CHSY3: variants seen among roughly 807,000 people sequenced by gnomAD.
CHSY3 encodes the protein N-acetylgalactosaminyl-proteoglycan 3-beta-glucuronosyltransferase 3.
In CHSY3, 35 loss-of-function variants were observed where a neutral mutation model predicts 67.2. That is an observed-to-expected ratio of 0.52 (90% CI 0.40 to 0.69). The LOEUF (loss-of-function observed/expected upper bound fraction) is 0.69. CHSY3 is among the 30% of genes least tolerant of loss of function. The pLI is 0.00. For synonymous variants in CHSY3, 474 were observed against 434.7 expected, an observed-to-expected ratio of 1.09 and a Z score of -1.12; for missense variants, 1,069 against 1,138.5, an observed-to-expected ratio of 0.94 and a Z score of 0.88.
At chr5:130,022,393 A>G (rs1009887306) in intron 2 of CHSY3, among the ~76,000 whole-genome samples, 18 of 152,012 alleles carry the variant, frequency 1.2e-4, no homozygotes, top group African/African-American at 4.1e-4. Context: ...ATAACATTAC[A>G]TTTGGATTGC....
At chr5:129,938,974 C>G (rs1240112447) in intron 2 of CHSY3, among the ~76,000 whole-genome samples, 1 of 152,132 alleles carries the variant, frequency 6.6e-6, no homozygotes, top group Non-Finnish European at 1.5e-5. Context: ...AGTCCATTCT[C>G]ACACTGCTAT....
intron 2 of CHSY3, among the ~76,000 whole-genome samples, chr5:130,164,717 A>T (rs887410301): frequency 2.0e-5 from 3 of 152,176 alleles, no homozygotes; most frequent in Admixed American, 2.0e-4. Context: ...GAATGGTGAA[A>T]AAAAGACACA....
intron 2 of CHSY3, among the ~76,000 whole-genome samples, chr5:129,988,892 C>G (rs1763278118): frequency 6.6e-6 from 1 of 152,140 alleles, no homozygotes; most frequent in Admixed American, 6.6e-5. Context: ...TCTGTACCAA[C>G]ATCATCAGAG....
At chr5:130,092,979 C>A (rs1054592138) in intron 2 of CHSY3, among the ~76,000 whole-genome samples, 2 of 152,180 alleles carry the variant, frequency 1.3e-5, no homozygotes, top group African/African-American at 4.8e-5. Context: ...CAGCTCCTAG[C>A]TACCATCTGG....
At chr5:130,172,319 TC>T (rs1554087885) in intron 2 of CHSY3, among the ~76,000 whole-genome samples, 2 of 10,788 alleles carry the variant, frequency 1.9e-4, no homozygotes, top group Non-Finnish European at 1.8e-4. Context: ...TCTTTTCTTT[TC>T]TTTTCTTTTT....
chr5:129,971,058 A>G (rs761347656), intron 2 of CHSY3, among the ~76,000 whole-genome samples: 4 of 151,844 alleles, frequency 2.6e-5, no homozygotes, highest in Non-Finnish European at 5.9e-5. Context: ...AAATATGTGA[A>G]ACTATTTAGA....
chr5:129,975,430 G>A (rs1449802776), intron 2 of CHSY3, among the ~76,000 whole-genome samples: 5 of 152,022 alleles, frequency 3.3e-5, no homozygotes, highest in Non-Finnish European at 7.4e-5. Flanking sequence ...AGAACACAAA[G>A]CATTGATTGA....
At chr5:129,919,071 C>G (rs1354740783) in intron 2 of CHSY3, among the ~76,000 whole-genome samples, 1 of 119,808 alleles carries the variant, frequency 8.3e-6, no homozygotes, top group African/African-American at 3.3e-5. Flanking sequence ...TGCGCCACTG[C>G]AGTCCGCAGT....
chr5:130,122,413 T>C (rs1768067143), intron 2 of CHSY3, among the ~76,000 whole-genome samples: 1 of 152,198 alleles, frequency 6.6e-6, no homozygotes, highest in African/African-American at 2.4e-5. Context: ...ATGATGAGTA[T>C]TATTTCACAC....
intron 2 of CHSY3, among the ~76,000 whole-genome samples, chr5:130,075,105 T>C (rs924645314): frequency 3.3e-5 from 5 of 152,136 alleles, no homozygotes; most frequent in Admixed American, 2.0e-4. Flanking sequence ...ACTATTACTT[T>C]TTTTCCAAGA....
chr5:129,933,189 C>G (rs954809230), intron 2 of CHSY3, among the ~76,000 whole-genome samples: 4 of 152,128 alleles, frequency 2.6e-5, no homozygotes, highest in African/African-American at 9.7e-5. Flanking sequence ...GAACTGAATG[C>G]AGACTCAGAA....
intron 2 of CHSY3, among the ~76,000 whole-genome samples, chr5:129,985,631 A>C (rs142036364): frequency 4.6e-5 from 7 of 152,048 alleles, no homozygotes; most frequent in African/African-American, 1.7e-4. Flanking sequence ...TGGCCATTTT[A>C]ACGCTATTGA....
chr5:130,134,850 C>G (rs1365626271), intron 2 of CHSY3, among the ~76,000 whole-genome samples: 1 of 149,690 alleles, frequency 6.7e-6, no homozygotes, highest in Non-Finnish European at 1.5e-5. Context: ...CCCACCCCCC[C>G]CAATTTTTAT....
At chr5:129,968,080 CAAG>C (rs1762517891) in intron 2 of CHSY3, among the ~76,000 whole-genome samples, 1 of 151,658 alleles carries the variant, frequency 6.6e-6, no homozygotes, top group African/African-American at 2.4e-5. Flanking sequence ...AATAAAGATA[CAAG>C]AAGAGACAAT....
At chr5:130,017,176 AGTT>A (rs995208501) in intron 2 of CHSY3, among the ~76,000 whole-genome samples, 2 of 152,008 alleles carry the variant, frequency 1.3e-5, no homozygotes, top group Admixed American at 1.3e-4. Flanking sequence ...TACTGCCGGC[AGTT>A]GTTTTTTTTT....
rs114043574 is a variant in CHSY3, at chr5:130,056,429, T to G, written c.1087-127800T>G. 4.4e-3 allele frequency among the ~76,000 whole-genome samples: 669 copies of G among 152,342 alleles called. 5 individuals are homozygous for G. Among genetic ancestry groups the G allele is most frequent in the African/African-American group, 0.015 (603 of 41,584 alleles). ...TTAAAGAGCTTTGATAGAATTGCAT[T>G]AGAATACTGTGGGCTGTTAAATATA... On this transcript the variant is annotated intron_variant, in intron 2 of 2. Transcript: ENST00000305031.
At position 129,957,245 on chromosome 5, in the gene CHSY3, T is replaced by A. The variant is rs932704648; in HGVS notation, c.1086+48885T>A. Among the ~76,000 whole-genome samples, 8 of 152,238 alleles carry A rather than the reference T, an allele frequency of 5.3e-5. 1 individual carries two copies. Among genetic ancestry groups the A allele is most frequent in the Admixed American group, 4.6e-4 (7 of 15,270 alleles). ...TATAGCAATTGTGAATGGGATTGTG[T>A]TCCTGATTTGGCTCTCAGCTTGATT... On this transcript the variant is annotated intron_variant, in intron 2 of 2. Transcript: ENST00000305031.
chr5:130,154,082 A>G (rs1038279123), intron 2 of CHSY3, among the ~76,000 whole-genome samples: 1 of 152,048 alleles, frequency 6.6e-6, no homozygotes, highest in Admixed American at 6.6e-5. Flanking sequence ...ACACCCAGCT[A>G]ATTTTCATAC....
chr5:130,124,996 A>G (rs999806054), intron 2 of CHSY3, among the ~76,000 whole-genome samples: 1 of 152,154 alleles, frequency 6.6e-6, no homozygotes, highest in Non-Finnish European at 1.5e-5. Flanking sequence ...AACTAGATGT[A>G]TTGGCCGGGT....
Sources: gnomAD v4.1 joint callset for allele counts (sites outside exome capture counted in the v4.1 genomes callset) on GRCh38, gnomAD v4.1.1 for gene constraint, MANE v1.5 for transcripts, NCBI Gene and HGNC (gene_info 2026-07-23, HGNC 2026-07-21) for gene names.